Variants in MSRA observed in about 807,000 individuals in gnomAD.
The protein encoded by MSRA is mitochondrial peptide methionine sulfoxide reductase.
In MSRA, 54 loss-of-function variants were observed where a neutral mutation model predicts 31.3. The ratio of observed to expected loss-of-function variants is 1.73; its 90% CI spans 1.39 to 2.17. MSRA has a LOEUF of 2.17. Ranked by LOEUF, MSRA falls within the 30% of genes most tolerant of loss-of-function variation. MSRA has a pLI of 0.00. For missense variants in MSRA, 507 were observed against 300.9 expected (o/e 1.69, Z -5.07); for synonymous variants, 169 against 116.5 (o/e 1.45, Z -2.90).
At chr8:10,393,608 GC>G (rs1209622345) in intron 5 of MSRA, among the ~76,000 whole-genome samples, 1 of 152,184 alleles carries the variant, frequency 6.6e-6, no homozygotes, top group Non-Finnish European at 1.5e-5. Flanking sequence ...TAGTTGTATG[GC>G]TAGCCTGGGA....
At position 10,424,464 on chromosome 8, in the gene MSRA, G is replaced by C. The variant is rs574992011; in HGVS notation, c.544-3684G>C. Among the ~76,000 whole-genome samples the C allele has an allele frequency of 2.8e-3, 416 of 151,222 alleles. 2 individuals carry two copies. The highest frequency in any genetic ancestry group is 9.7e-3 in the African/African-American group (397 of 41,112). On this transcript the variant is annotated intron_variant, in intron 5 of 5. Coordinates refer to ENST00000317173, the MANE Select transcript of MSRA (RefSeq NM_012331.5). ...TGGAGCAGGAATGGGGAGAAGGCCC[G>C]GGGTGGAGTGGGACGGGAAGAAGGA...
chr8:10,393,710 C>G (rs1231041976), intron 5 of MSRA, among the ~76,000 whole-genome samples: 4 of 152,190 alleles, frequency 2.6e-5, no homozygotes, highest in African/African-American at 7.2e-5. Context: ...GACCTGCACA[C>G]GGGCAGCTTG....
At chr8:10,314,234 T>C (rs1801592685) in intron 4 of MSRA, among the ~76,000 whole-genome samples, 1 of 151,600 alleles carries the variant, frequency 6.6e-6, no homozygotes, top group African/African-American at 2.4e-5. Flanking sequence ...AAATAAAAAA[T>C]AACAAATTGC....
Position 10,322,673 on chromosome 8 carries a change from C to T in MSRA, c.543+2684C>T, listed in dbSNP as rs1400464654. ...TAACTGGGCTAATGCTTGTGAAACA[C>T]AGGGCCTAGCACATGGTAAATACCT... On this transcript the variant is annotated intron_variant, in intron 5 of 5. Coordinates refer to ENST00000317173, the MANE Select transcript of MSRA (RefSeq NM_012331.5). Among the ~76,000 whole-genome samples, 5 of 152,186 alleles carry T rather than the reference C, an allele frequency of 3.3e-5. No individual in the cohort carries two copies. In the East Asian group the frequency reaches 7.7e-4, roughly 23 times the overall value.
chr8:10,168,008 CT>C (rs1805290746), intron 1 of MSRA, among the ~76,000 whole-genome samples: 2 of 152,114 alleles, frequency 1.3e-5, no homozygotes, highest in Admixed American at 1.3e-4. Flanking sequence ...TGTTTCTGAT[CT>C]TTATGAGGCA....
At chr8:10,373,725 C>CG (rs1199740700) in intron 5 of MSRA, among the ~76,000 whole-genome samples, 2 of 152,112 alleles carry the variant, frequency 1.3e-5, no homozygotes, top group Admixed American at 1.3e-4. Context: ...GGGCACGTGC[C>CG]GGGGGGCTGG....
chr8:10,088,225 C>T (rs956922181), intron 1 of MSRA, among the ~76,000 whole-genome samples: 3 of 152,184 alleles, frequency 2.0e-5, no homozygotes, highest in African/African-American at 7.2e-5. Context: ...CCCTAGTTCA[C>T]TGTTGGTGGG....
chr8:10,303,184 C>T (rs1026437597), intron 4 of MSRA, among the ~76,000 whole-genome samples: 2 of 152,258 alleles, frequency 1.3e-5, no homozygotes, highest in Non-Finnish European at 2.9e-5. Context: ...CAGGTCGGGT[C>T]TGTGTCCTTT....
In MSRA at chr8:10,389,248, G is replaced by C. The variant is rs147003570; in HGVS notation, c.544-38900G>C. On this transcript the variant is annotated intron_variant, in intron 5 of 5. Transcript: ENST00000317173. ...CCTGGGTGACTTGAAATAAGCTGTA[G>C]CCAGGCTTGAGAACCACCGGAGTCA... Among the ~76,000 whole-genome samples the C allele has an allele frequency of 6.0e-4, 92 of 152,230 alleles. 1 individual carries two copies. The highest frequency in any genetic ancestry group is 2.2e-3 in the African/African-American group (91 of 41,544).
intron 3 of MSRA, among the ~76,000 whole-genome samples, chr8:10,249,351 C>G (rs1001393153): frequency 2.0e-5 from 3 of 152,098 alleles, no homozygotes; most frequent in Admixed American, 6.5e-5. Flanking sequence ...TTGAGTTAAC[C>G]TCGGGCTGAG....
intron 5 of MSRA, among the ~76,000 whole-genome samples, chr8:10,423,791 C>A (rs975941596): frequency 6.6e-6 from 1 of 152,230 alleles, no homozygotes; most frequent in Non-Finnish European, 1.5e-5. Context: ...CTCCCTCCCA[C>A]CATTCCTTCC....
intron 3 of MSRA, among the ~76,000 whole-genome samples, chr8:10,295,312 G>A (rs984629264): frequency 5.3e-5 from 8 of 152,236 alleles, no homozygotes; most frequent in East Asian, 1.9e-4. Context: ...CTGGGGGACC[G>A]TCGCACTGCG....
At position 10,405,907 on chromosome 8, in the gene MSRA, TCA is replaced by T. The variant is rs529475675; in HGVS notation, c.544-22238_544-22237del. Among the ~76,000 whole-genome samples the T allele has an allele frequency of 2.4e-3, 365 of 152,328 alleles. 1 individual carries two copies. Among genetic ancestry groups the T allele is most frequent in the African/African-American group, 8.0e-3 (333 of 41,568 alleles). On this transcript the variant is annotated intron_variant, in intron 5 of 5. Coordinates refer to ENST00000317173, the MANE Select transcript of MSRA (RefSeq NM_012331.5). ...ACACATGTTCACATACACGCTGTAC[TCA>T]CAGTGCACACACACATGCTCACATG... is the stretch of plus-strand genomic sequence containing the variant.
chr8:10,146,788 T>G (rs1803181668), intron 1 of MSRA, among the ~76,000 whole-genome samples: 1 of 152,160 alleles, frequency 6.6e-6, no homozygotes, highest in Non-Finnish European at 1.5e-5. Context: ...TTAGGAGCCC[T>G]GGGCTGGAGC....
Position 10,428,236 on chromosome 8 carries a change from A to T in MSRA, c.632A>T (p.Tyr211Phe), listed in dbSNP as rs1809314675. 3.7e-6 allele frequency: 6 copies of T among 1,614,230 alleles called. No individual in the cohort carries two copies. ...FYYAEDYHQQ[Y>F]LSKNPNGYCG... is the part of the protein sequence containing the mutation. ...TATGCGGAAGACTACCACCAGCAGT[A>T]CCTGAGCAAGAACCCCAATGGCTAC... Residue 211 changes from tyrosine (Y) to phenylalanine (F), a missense_variant, in exon 6 of 6, where the codon TAC becomes TTC. Transcript: ENST00000317173.
chr8:10,350,230 A>G (rs1376704745), intron 5 of MSRA, among the ~76,000 whole-genome samples: 3 of 152,228 alleles, frequency 2.0e-5, no homozygotes, highest in Non-Finnish European at 4.4e-5. Context: ...TGCTTTGCAG[A>G]TAGCTCTGGT....
At chr8:10,325,099 C>G (rs1393987999) in intron 5 of MSRA, among the ~76,000 whole-genome samples, 1 of 152,152 alleles carries the variant, frequency 6.6e-6, no homozygotes, top group Non-Finnish European at 1.5e-5. Flanking sequence ...TAAAGTGATG[C>G]ATTAGTGTCC....
intron 1 of MSRA, among the ~76,000 whole-genome samples, chr8:10,108,886 A>G (rs752697952): frequency 2.0e-5 from 3 of 152,156 alleles, no homozygotes; most frequent in Non-Finnish European, 4.4e-5. Flanking sequence ...CTGGCTGCCA[A>G]TGTAGGCAGC....
intron 1 of MSRA, among the ~76,000 whole-genome samples, chr8:10,079,323 C>T (rs576058236): frequency 1.1e-4 from 17 of 152,116 alleles, no homozygotes; most frequent in Admixed American, 3.9e-4. Flanking sequence ...CCATGCCTGG[C>T]TAAGTATTTT....
Sources: gnomAD v4.1 joint callset for allele counts (sites outside exome capture counted in the v4.1 genomes callset) on GRCh38, gnomAD v4.1.1 for gene constraint, MANE v1.5 for transcripts, NCBI Gene and HGNC (gene_info 2026-07-23, HGNC 2026-07-21) for gene names.